Variants in GALNT3 observed in about 807,000 individuals in gnomAD.
The protein encoded by GALNT3 is polypeptide N-acetylgalactosaminyltransferase 3, also known as GalNAc transferase 3.
Under a neutral mutation model 69.8 loss-of-function variants are expected in GALNT3, and 51 were observed. The ratio of observed to expected loss-of-function variants is 0.73; its 90% CI spans 0.58 to 0.92. The LOEUF (loss-of-function observed/expected upper bound fraction) is 0.92. Ranked by LOEUF, GALNT3 falls within the 40% of genes least tolerant of loss-of-function variation. The pLI is 0.00. For missense variants in GALNT3, 711 were observed against 760.0 expected (o/e 0.94, Z 0.76); for synonymous variants, 265 against 248.5 (o/e 1.07, Z -0.63).
intron 1 of GALNT3, among the ~76,000 whole-genome samples, chr2:165,792,632 T>C (rs1465770964): frequency 6.6e-6 from 1 of 152,206 alleles, no homozygotes; most frequent in Non-Finnish European, 1.5e-5. Context: ...ATTTTTAAAA[T>C]GTGTGGAGAT....
At chr2:165,756,880 GTT>G (rs1412959592) in intron 7 of GALNT3, among the ~76,000 whole-genome samples, 165 bp downstream of exon 7, 1 of 152,082 alleles carries the variant, frequency 6.6e-6, no homozygotes, top group East Asian at 1.9e-4. Context: ...AGTTTACTTA[GTT>G]TTTTTCTTAA....
intron 2 of GALNT3, among the ~76,000 whole-genome samples, chr2:165,767,537 C>A (rs2059435): frequency 0.92 from 139,895 of 152,252 alleles, 64,768 homozygotes; most frequent in East Asian, 1. Flanking sequence ...ATATCAAGTA[C>A]AAATGTCATA....
At chr2:165,762,451 G>T (rs112770566) in intron 3 of GALNT3, among the ~76,000 whole-genome samples, 296 of 152,254 alleles carry the variant, frequency 1.9e-3, no homozygotes, top group African/African-American at 6.8e-3. Context: ...TTTGAAATTG[G>T]TATTTAAATC....
rs377319905 is a variant in GALNT3, at chr2:165,770,195, C to T, written c.506G>A (p.Arg169Gln). 3.7e-6 allele frequency: 6 copies of T among 1,614,034 alleles called. No individual in the cohort carries two copies. Among genetic ancestry groups the T allele is most frequent in the African/African-American group, 2.7e-5 (2 of 74,992 alleles). Reference sequence around the variant, plus strand: ...ATATTCTTCAACATACTCAGGAGGTCGAGTGTCTGGTCCAAGATCTCGGTG... The same window carrying T: ...ATATTCTTCAACATACTCAGGAGGTTGAGTGTCTGGTCCAAGATCTCGGTG... Reference protein sequence around the residue: ...SLHRDLGPDTRPPECIEQKFK... With the variant: ...SLHRDLGPDTQPPECIEQKFK... The change falls in exon 2 of 11, where the codon CGA becomes CAA. Residue 169 changes from arginine (R) to glutamine (Q), a missense_variant. By Grantham distance (43) the Arg-to-Gln change is conservative (BLOSUM62 1). Transcript: ENST00000392701.
chr2:165,761,085 A>C (rs546558169), intron 4 of GALNT3, among the ~76,000 whole-genome samples: 22 of 147,806 alleles, frequency 1.5e-4, no homozygotes, highest in African/African-American at 5.1e-4. Context: ...AAATTCGCAG[A>C]CTCCTTTTTA....
intron 1 of GALNT3, among the ~76,000 whole-genome samples, chr2:165,775,354 A>T (rs1559636): frequency 0.98 from 149,586 of 152,316 alleles, 73,500 homozygotes; most frequent in East Asian, 1. Context: ...TCAAAGCACC[A>T]TTTCAGTAAT....
chr2:165,756,927 A>G (rs1688452072), intron 7 of GALNT3, 120 bp downstream of exon 7: 1 of 747,654 alleles, frequency 1.3e-6, no homozygotes, highest in East Asian at 2.7e-5. Context: ...CATGTACTTT[A>G]AGAGTTAAAA....
In GALNT3 at chr2:165,758,823, T is replaced by C. The variant is rs1688492122; in HGVS notation, c.1115A>G (p.Glu372Gly). The change falls in exon 6 of 11, where the codon GAA becomes GGA. Residue 372 changes from glutamate to glycine, a missense_variant. Coordinates refer to ENST00000392701, the MANE Select transcript of GALNT3 (RefSeq NM_004482.4). ...ATAGCTTCCAATATACTCAAAATAT[T>C]CTTTTGATATGGAAAAAAGTCCTCC... ...FAGGLFSISK[E>G]YFEYIGSYDE... 1 of 1,611,448 alleles carries C rather than the reference T, an allele frequency of 6.2e-7. No individual in the cohort carries two copies. The highest frequency in any genetic ancestry group is 1.1e-5 in the South Asian group (1 of 90,990).
chr2:165,785,796 G>A (rs948385657), intron 1 of GALNT3, among the ~76,000 whole-genome samples: 1 of 152,068 alleles, frequency 6.6e-6, no homozygotes, highest in African/African-American at 2.4e-5. Flanking sequence ...GTCCGAACAG[G>A]GGCAAGAGGA....
chr2:165,772,534 A>G (rs1357187313), intron 1 of GALNT3, among the ~76,000 whole-genome samples: 2 of 127,522 alleles, frequency 1.6e-5, no homozygotes, highest in Non-Finnish European at 3.2e-5. Context: ...GCATTGGGCT[A>G]TGATTGTGCC....
intron 2 of GALNT3, among the ~76,000 whole-genome samples, chr2:165,769,300 G>A (rs1265659724): frequency 6.7e-6 from 1 of 148,198 alleles, no homozygotes; most frequent in Admixed American, 6.7e-5. Context: ...CAGCTGCTCG[G>A]GAGCCTGACA....
At chr2:165,791,923 G>C (rs1388828491) in intron 1 of GALNT3, among the ~76,000 whole-genome samples, 1 of 152,066 alleles carries the variant, frequency 6.6e-6, no homozygotes, top group Non-Finnish European at 1.5e-5. Flanking sequence ...TGAAGAAAGA[G>C]CAATGGACAA....
intron 3 of GALNT3, among the ~76,000 whole-genome samples, chr2:165,763,487 A>G (rs1036145383): frequency 1.3e-5 from 2 of 152,166 alleles, no homozygotes; most frequent in African/African-American, 4.8e-5. Flanking sequence ...ACACCTTCTA[A>G]CTACCTCAAA....
intron 2 of GALNT3, among the ~76,000 whole-genome samples, chr2:165,767,296 GTTA>G (rs1450962267): frequency 1.3e-5 from 2 of 151,448 alleles, no homozygotes; most frequent in Admixed American, 6.6e-5. Context: ...CCTATGATTT[GTTA>G]TAAGCATTTT....
At position 165,759,515 on chromosome 2, in the gene GALNT3, G is replaced by A; in HGVS notation, c.894C>T (p.Tyr298=). ...EPLLARIAEN[Y]TAVVSPDIAS... is the part of the protein sequence containing the mutation. ...CAATATCTGGACTTACGACAGCCGT[G>A]TAGTTCTCAGCTATTCTGGCCAACA... Residue 298 remains tyrosine, a synonymous_variant, in exon 5 of 11, where the codon TAC becomes TAT. Transcript: ENST00000392701. 6.2e-7 allele frequency: 1 copy of A among 1,614,014 alleles called. No homozygotes were observed. The highest frequency in any genetic ancestry group is 1.1e-5 in the South Asian group (1 of 91,072).
At chr2:165,780,982 T>G (rs779953373) in intron 1 of GALNT3, among the ~76,000 whole-genome samples, 1 of 152,140 alleles carries the variant, frequency 6.6e-6, no homozygotes, top group Non-Finnish European at 1.5e-5. Context: ...ATCTACCTAG[T>G]AGCAAGTCAG....
At chr2:165,777,661 C>A (rs1247125072) in intron 1 of GALNT3, among the ~76,000 whole-genome samples, 1 of 152,182 alleles carries the variant, frequency 6.6e-6, no homozygotes, top group Admixed American at 6.5e-5. Flanking sequence ...GGCAGCATTT[C>A]TTCTGAGCAG....
At position 165,757,047 on chromosome 2, in the gene GALNT3, T is replaced by C. The variant is rs746790593; in HGVS notation, c.1392A>G (p.Gln464=). 1.9e-6 allele frequency: 3 copies of C among 1,609,524 alleles called. No individual in the cohort carries two copies. ...RNTDAAKIVK[Q]KAFGDLSKRF... ...ATTTAACTACTTAGCTTTAACTTAC[T>C]TGTTTAACAATTTTTGCTGCATCTG... is the stretch of plus-strand genomic sequence containing the variant. Residue 464 remains glutamine, a splice_region_variant and synonymous_variant, in exon 7 of 11, where the codon CAA becomes CAG. Coordinates refer to ENST00000392701, the MANE Select transcript of GALNT3 (RefSeq NM_004482.4).
chr2:165,779,790 A>T (rs1683064325), intron 1 of GALNT3, among the ~76,000 whole-genome samples: 1 of 152,176 alleles, frequency 6.6e-6, no homozygotes, highest in African/African-American at 2.4e-5. Context: ...ACCTACAATA[A>T]TCCTCACTTA....
Sources: allele counts gnomAD v4.1 joint callset (sites outside exome capture counted in the v4.1 genomes callset), GRCh38; gene constraint gnomAD v4.1.1; transcripts MANE v1.5; gene names NCBI Gene and HGNC (gene_info 2026-07-23, HGNC 2026-07-21).